Variants in RAPGEF5 observed in about 807,000 individuals in gnomAD.
RAPGEF5 encodes the protein Rap guanine nucleotide exchange factor 5.
RAPGEF5 carries 65 observed loss-of-function variants against 125.2 expected under a neutral mutation model. The observed-to-expected ratio is 0.52, with a 90% CI of 0.43 to 0.64. RAPGEF5 has a LOEUF of 0.64. RAPGEF5 is among the 30% of genes least tolerant of loss of function. The probability of loss-of-function intolerance (pLI) is 0.00; values close to 1 mark genes in which losing one functional copy is unlikely to be tolerated. For missense variants in RAPGEF5, 958 were observed against 1,048.1 expected, an observed-to-expected ratio of 0.91 and a Z score of 1.19; for synonymous variants, 391 against 385.9, an observed-to-expected ratio of 1.01 and a Z score of -0.16.
chr7:22,154,730 C>G, intron 16 of RAPGEF5, 126 bp from the exon 17 acceptor site: 2 of 995,120 alleles, frequency 2.0e-6, no homozygotes, highest in Non-Finnish European at 2.9e-6. Context: ...TTCAGTATAA[C>G]ACATACAGAG....
chr7:22,193,922 GGCTCTCC>G lies in RAPGEF5; in HGVS notation c.1101_1107del (p.Glu368IlefsTer19). 2 of 1,613,696 alleles carry G rather than the reference GGCTCTCC, an allele frequency of 1.2e-6. No individual in the cohort carries two copies. Among genetic ancestry groups the G allele is most frequent in the Non-Finnish European group, 1.7e-6 (2 of 1,179,800 alleles). ...CTGCAGGGAAACTCTCACCTCCAAT[GGCTCTCC>G]GCACTCCCAGCTGTGGGGGCTGGGC... On this transcript the variant is annotated frameshift_variant, in exon 10 of 26. Transcript: ENST00000665637. LOFTEE classifies it high-confidence loss of function.
rs973652622 is a variant in RAPGEF5, at chr7:22,146,998, C to A, written c.1906G>T (p.Glu636Ter). The A allele has an allele frequency of 6.2e-7, 1 of 1,613,108 alleles. No individual in the cohort carries two copies. The highest frequency in any genetic ancestry group is 8.5e-7 in the Non-Finnish European group (1 of 1,179,624). ...DTLNPFAENE[E>*]SQQRSMRILG... The stretch of plus-strand genomic sequence containing the variant: ...ATCCTCATCGACCTTTGCTGTGATT[C>A]CTCATTTTCTGCAAATGGGTTCTAA... Residue 636 changes from glutamate (E) to a stop codon, truncating the protein, a stop_gained, in exon 19 of 26, where the codon GAA becomes TAA. Transcript: ENST00000665637. LOFTEE classifies it high-confidence loss of function.
At chr7:22,283,020 CA>C (rs914729157) in intron 6 of RAPGEF5, among the ~76,000 whole-genome samples, 24 of 142,872 alleles carry the variant, frequency 1.7e-4, no homozygotes, top group East Asian at 4.1e-4. Flanking sequence ...GGTTTTTCTG[CA>C]AAAAAAAAAT....
chr7:22,167,937 T>C (rs769351383), intron 11 of RAPGEF5, among the ~76,000 whole-genome samples: 1 of 152,246 alleles, frequency 6.6e-6, no homozygotes, highest in African/African-American at 2.4e-5. Context: ...AAAGATTATA[T>C]GCAGAATGTA....
intron 8 of RAPGEF5, among the ~76,000 whole-genome samples, chr7:22,222,608 T>C (rs1463363564): frequency 6.6e-6 from 1 of 152,180 alleles, no homozygotes; most frequent in Non-Finnish European, 1.5e-5. Flanking sequence ...CTGGTGGCAC[T>C]GGTTGAGAGG....
chr7:22,279,814 G>T (rs1359212177), intron 6 of RAPGEF5, among the ~76,000 whole-genome samples: 1 of 152,140 alleles, frequency 6.6e-6, no homozygotes, highest in Non-Finnish European at 1.5e-5. Context: ...ACTTGAATTG[G>T]CTGGCATTTG....
At chr7:22,303,940 C>T (rs931706085) in intron 5 of RAPGEF5, among the ~76,000 whole-genome samples, 1 of 152,142 alleles carries the variant, frequency 6.6e-6, no homozygotes, top group African/African-American at 2.4e-5. Flanking sequence ...AAGAGTATCA[C>T]ACTGGCATGA....
At chr7:22,226,197 C>A (rs919989153) in intron 8 of RAPGEF5, among the ~76,000 whole-genome samples, 1 of 152,136 alleles carries the variant, frequency 6.6e-6, no homozygotes, top group African/African-American at 2.4e-5. Flanking sequence ...TTCATGAAAG[C>A]ACTTTTGCAA....
chr7:22,152,910 A>C (rs1783674712), intron 17 of RAPGEF5, among the ~76,000 whole-genome samples: 1 of 152,212 alleles, frequency 6.6e-6, no homozygotes, highest in Admixed American at 6.5e-5. Context: ...AATTCAAGAG[A>C]TATGCTGATA....
chr7:22,225,829 T>C (rs1262440755), intron 8 of RAPGEF5, among the ~76,000 whole-genome samples: 1 of 152,190 alleles, frequency 6.6e-6, no homozygotes, highest in Non-Finnish European at 1.5e-5. Flanking sequence ...TATTTCAAGG[T>C]CTGTTTTGAA....
At chr7:22,276,089 T>C (rs1782548761) in intron 6 of RAPGEF5, among the ~76,000 whole-genome samples, 1 of 152,232 alleles carries the variant, frequency 6.6e-6, no homozygotes. Context: ...TAAAAATTTG[T>C]ATATAAAATG....
chr7:22,198,319 G>C (rs1785200584), intron 9 of RAPGEF5, among the ~76,000 whole-genome samples: 1 of 152,176 alleles, frequency 6.6e-6, no homozygotes. Context: ...TTTGCATCCT[G>C]ACCATCAGCT....
chr7:22,299,081 C>G (rs76781015), intron 5 of RAPGEF5, among the ~76,000 whole-genome samples: 2,254 of 146,526 alleles, frequency 0.015, 65 homozygotes, highest in African/African-American at 0.054. Context: ...TTTCTTTTCA[C>G]TTACATCAAT....
chr7:22,294,039 C>T (rs1022773795), intron 5 of RAPGEF5, among the ~76,000 whole-genome samples: 6 of 152,082 alleles, frequency 3.9e-5, no homozygotes, highest in Admixed American at 6.6e-5. Context: ...AATAAGGAAA[C>T]AGATGCAGCA....
At chr7:22,170,921 A>G (rs1784330034) in intron 11 of RAPGEF5, among the ~76,000 whole-genome samples, 1 of 152,228 alleles carries the variant, frequency 6.6e-6, no homozygotes, top group African/African-American at 2.4e-5. Flanking sequence ...TGAATAGAAC[A>G]GATTCCCAAT....
rs547893560 is a variant in RAPGEF5, at chr7:22,308,265, A to C, written c.680+74T>G. 333 of 1,348,678 alleles carry C rather than the reference A, an allele frequency of 2.5e-4. 1 individual carries two copies. The African/African-American group carries it at 4.7e-3, about 19-fold the overall frequency. The allele number at this position is 1,348,678 out of a possible 1,614,324, so 83.5% of individuals were successfully genotyped here. On this transcript the variant is annotated intron_variant, in intron 5 of 25. Coordinates refer to ENST00000665637, the MANE Select transcript of RAPGEF5 (RefSeq NM_012294.5). Reference sequence around the variant, plus strand: ...AAGTGAGACAGTGATCTTAAAGAGCAGAATATAGTCCCTAGACATGGTAAA... The same window carrying C: ...AAGTGAGACAGTGATCTTAAAGAGCCGAATATAGTCCCTAGACATGGTAAA...
In RAPGEF5 at chr7:22,203,657, C is replaced by T. The variant is rs938677805; in HGVS notation, c.997-9624G>A. Among the ~76,000 whole-genome samples, 10 of 152,298 alleles carry T rather than the reference C, an allele frequency of 6.6e-5. No homozygotes were observed. In the South Asian group the frequency reaches 8.3e-4, roughly 13 times the overall value. ...GCAGAGACTCGGAGGTACATCCATT[C>T]GCCCTGGTTAGAAGGCCCGAGGGAA... On this transcript the variant is annotated intron_variant, in intron 9 of 25. Transcript: ENST00000665637.
rs111811941 is a variant in RAPGEF5, at chr7:22,305,155, G to A, written c.680+3184C>T. Among the ~76,000 whole-genome samples the A allele has an allele frequency of 2.0e-5, 3 of 152,292 alleles. 1 individual carries two copies. The highest frequency in any genetic ancestry group is 7.2e-5 in the African/African-American group (3 of 41,574). ...CTTAATCCTTGTGTGACCTTGGACG[G>A]GTTACCCGATCTCTGTACCTAATTT... On this transcript the variant is annotated intron_variant, in intron 5 of 25. Transcript: ENST00000665637.
rs556475982 is a variant in RAPGEF5, at chr7:22,140,998, C to A, written c.2187-883G>T. 7.2e-5 allele frequency among the ~76,000 whole-genome samples: 11 copies of A among 152,244 alleles called. No individual in the cohort carries two copies. The South Asian group carries it at 2.3e-3, about 32-fold the overall frequency. On this transcript the variant is annotated intron_variant, in intron 20 of 25. Coordinates refer to ENST00000665637, the MANE Select transcript of RAPGEF5 (RefSeq NM_012294.5). ...CAGTAAGCAGAGCGTGTATCAGGGG[C>A]CTTGTGATGTTTGTTTAGCTTCCCT...
Sources: gnomAD v4.1 joint callset for allele counts (sites outside exome capture counted in the v4.1 genomes callset) on GRCh38, gnomAD v4.1.1 for gene constraint, MANE v1.5 for transcripts, NCBI Gene and HGNC (gene_info 2026-07-23, HGNC 2026-07-21) for gene names.